DGKH: variants seen among roughly 807,000 people sequenced by gnomAD.
The protein encoded by DGKH is DAG kinase eta.
Under a neutral mutation model 159.3 loss-of-function variants are expected in DGKH, and 90 were observed. The observed-to-expected ratio is 0.57, with a 90% CI of 0.48 to 0.67. The LOEUF is 0.67. Ranked by LOEUF, DGKH falls within the 30% of genes least tolerant of loss-of-function variation. DGKH has a pLI of 0.00. For synonymous variants in DGKH, 536 were observed against 553.8 expected (o/e 0.97, Z 0.45); for missense variants, 1,181 against 1,506.1 (o/e 0.78, Z 3.57).
intron 2 of DGKH, among the ~76,000 whole-genome samples, chr13:42,129,163 C>T (rs1023893482): frequency 6.6e-6 from 1 of 152,222 alleles, no homozygotes; most frequent in Non-Finnish European, 1.5e-5. Flanking sequence ...TCTCAGCTCT[C>T]ACCTTGCAAA....
At chr13:42,168,943 TTC>T (rs921143485) in intron 11 of DGKH, 125 bp downstream of exon 11, 1 of 1,081,740 alleles carries the variant, frequency 9.2e-7, no homozygotes, top group East Asian at 2.7e-5. Context: ...AGGCAGAGCC[TTC>T]CTGATCTTGT....
intron 3 of DGKH, among the ~76,000 whole-genome samples, chr13:42,131,508 C>T (rs1955289679): frequency 6.6e-6 from 1 of 152,136 alleles, no homozygotes; most frequent in African/African-American, 2.4e-5. Context: ...ATACTGTTTT[C>T]TCATTGAAAT....
At position 42,114,267 on chromosome 13, in the gene DGKH, A is replaced by G. The variant is rs551833501; in HGVS notation, c.193-13196A>G. On this transcript the variant is annotated intron_variant, in intron 1 of 29. Coordinates refer to ENST00000337343, the MANE Select transcript of DGKH (RefSeq NM_178009.5). ...GGAGATGACCCGCCACAAAATAGGC[A>G]CCTCTGGCTAGAGTTCTTACAGTGC... Among the ~76,000 whole-genome samples, 14 of 152,268 alleles carry G rather than the reference A, an allele frequency of 9.2e-5. No individual in the cohort carries two copies. In the East Asian group the frequency reaches 2.7e-3, roughly 29 times the overall value.
intron 1 of DGKH, among the ~76,000 whole-genome samples, chr13:42,078,196 G>T (rs80089278): frequency 0.096 from 14,607 of 152,238 alleles, 977 homozygotes; most frequent in Admixed American, 0.18. Flanking sequence ...TATTTTAGGC[G>T]TTTTAAGCAG....
intron 26 of DGKH, among the ~76,000 whole-genome samples, chr13:42,218,982 A>T (rs1003491430): frequency 3.3e-5 from 5 of 152,190 alleles, no homozygotes; most frequent in Non-Finnish European, 7.3e-5. Flanking sequence ...TTTTTCTATG[A>T]AGTTATTAAA....
At chr13:42,165,271 G>A (rs1956282662) in intron 7 of DGKH, 60 bp from the exon 8 acceptor site, 3 of 908,608 alleles carry the variant, frequency 3.3e-6, no homozygotes, top group Admixed American at 2.8e-5. Context: ...CCTTAGATGT[G>A]ATTTATAATG....
chr13:42,141,028 C>CCATTAACTCATCATTTACATTAGGTATAT lies in DGKH; in HGVS notation c.384+11397_384+11398insATTAACTCATCATTTACATTAGGTATATC, dbSNP rs55860412. On this transcript the variant is annotated intron_variant, in intron 3 of 29. Coordinates refer to ENST00000337343, the MANE Select transcript of DGKH (RefSeq NM_178009.5). ...CATGTGCCATGTTGGTGTGCTGAAC[C>CCATTAACTCATCATTTACATTAGGTATAT]CTCCTAATGCTATCCCTCCCCCCTC... Among the ~76,000 whole-genome samples, 9 of 52,128 alleles carry CCATTAACTCATCATTTACATTAGGTATAT rather than the reference C, an allele frequency of 1.7e-4. 2 individuals carry two copies. The Admixed American group carries it at 1.7e-3, about 10-fold the overall frequency. The allele number at this position is 52,128 out of a possible 152,430, so 34.2% of individuals were successfully genotyped here. A position where few individuals can be genotyped will look rare whatever the true frequency, so the allele number is the denominator to read the frequency against.
chr13:42,084,839 A>C (rs951257500), intron 1 of DGKH, among the ~76,000 whole-genome samples: 32 of 152,042 alleles, frequency 2.1e-4, no homozygotes, highest in Non-Finnish European at 2.5e-4. Flanking sequence ...TAAGATGTAT[A>C]GCAATTTGGA....
At chr13:42,188,484 T>C (rs4640076) in intron 14 of DGKH, among the ~76,000 whole-genome samples, 18,165 of 152,224 alleles carry the variant, frequency 0.12, 1,544 homozygotes, top group East Asian at 0.4. Context: ...ACCAAAGCTT[T>C]GAAGGGGAGT....
chr13:42,219,158 C>G, intron 26 of DGKH, 72 bp from the exon 27 acceptor site: 1 of 1,577,524 alleles, frequency 6.3e-7, no homozygotes, highest in Non-Finnish European at 8.6e-7. Flanking sequence ...TGTCAAAGTA[C>G]AATGATTTAT....
intron 1 of DGKH, among the ~76,000 whole-genome samples, chr13:42,071,678 G>C (rs1267866517): frequency 6.6e-6 from 1 of 152,204 alleles, no homozygotes; most frequent in Non-Finnish European, 1.5e-5. Context: ...GGTGGCTCCA[G>C]CTCACCACAA....
intron 3 of DGKH, among the ~76,000 whole-genome samples, chr13:42,130,364 A>G (rs1281472990): frequency 6.6e-6 from 1 of 151,944 alleles, no homozygotes; most frequent in Non-Finnish European, 1.5e-5. Context: ...CAGATAACCC[A>G]TTTTTTTCCA....
In DGKH at chr13:42,198,580, C is replaced by T. The variant is rs1957264913; in HGVS notation, c.2270C>T (p.Pro757Leu). 2 of 1,611,840 alleles carry T rather than the reference C, an allele frequency of 1.2e-6. No homozygotes were observed. Among genetic ancestry groups the T allele is most frequent in the East Asian group, 2.2e-5 (1 of 44,838 alleles). ...DPFGATPFIDPDLDSVDGYSE... is the reference protein window; with the variant it reads ...DPFGATPFIDLDLDSVDGYSE... ...TTTGGTGCCACGCCGTTTATTGACC[C>T]GGATCTAGATTCCGTGTAAGAAAAT... The change falls in exon 18 of 30, where the codon CCG becomes CTG. Residue 757 changes from proline to leucine, a missense_variant. By Grantham distance (98) the Pro-to-Leu change is moderately conservative. Coordinates refer to ENST00000337343, the MANE Select transcript of DGKH (RefSeq NM_178009.5).
intron 1 of DGKH, among the ~76,000 whole-genome samples, chr13:42,042,699 A>G (rs1014354703): frequency 6.6e-6 from 1 of 152,224 alleles, no homozygotes; most frequent in African/African-American, 2.4e-5. Flanking sequence ...GTTCTTAACT[A>G]AACAGAATGT....
intron 1 of DGKH, among the ~76,000 whole-genome samples, chr13:42,059,929 A>G (rs187002059): frequency 2.8e-5 from 4 of 140,444 alleles, no homozygotes; most frequent in Admixed American, 2.3e-4. Context: ...TTATATATAT[A>G]GAGTCTCACT....
rs1312654873 is a variant in DGKH, at chr13:42,214,588, T to A, written c.3096T>A (p.Asn1032Lys). Residue 1032 changes from asparagine (N) to lysine (K), a missense_variant, in exon 25 of 30, where the codon AAT becomes AAA. Physicochemically the swap from Asn to Lys is moderately conservative, Grantham distance 94 (BLOSUM62 0). Coordinates refer to ENST00000337343, the MANE Select transcript of DGKH (RefSeq NM_178009.5). Reference protein sequence around the residue: ...HAVNACSHALNKANPRCPESL... With the variant: ...HAVNACSHALKKANPRCPESL... ...TGAATGCCTGCTCCCATGCCCTGAA[T>A]AAAGCCAACCCAAGGTGCCCGGAGG... 6.2e-7 allele frequency: 1 copy of A among 1,613,672 alleles called. No homozygotes were observed. The highest frequency in any genetic ancestry group is 1.7e-5 in the Admixed American group (1 of 59,984).
intron 29 of DGKH, among the ~76,000 whole-genome samples, chr13:42,228,549 G>T (rs1190976012): frequency 6.6e-6 from 1 of 151,534 alleles, no homozygotes; most frequent in Non-Finnish European, 1.5e-5. Flanking sequence ...ACTAATTGTG[G>T]GTGCCCTGCT....
intron 1 of DGKH, among the ~76,000 whole-genome samples, chr13:42,072,010 G>A (rs1342636641): frequency 6.6e-6 from 1 of 152,178 alleles, no homozygotes; most frequent in African/African-American, 2.4e-5. Context: ...TCACTACTCA[G>A]TGTTTATGTA....
At chr13:42,149,334 G>A (rs1043278188) in intron 3 of DGKH, among the ~76,000 whole-genome samples, 4 of 152,110 alleles carry the variant, frequency 2.6e-5, no homozygotes, top group Non-Finnish European at 5.9e-5. Flanking sequence ...CACCCCAGAT[G>A]TTGAAAGCAT....
Sources: allele counts gnomAD v4.1 joint callset (sites outside exome capture counted in the v4.1 genomes callset), GRCh38; gene constraint gnomAD v4.1.1; transcripts MANE v1.5; gene names NCBI Gene and HGNC (gene_info 2026-07-23, HGNC 2026-07-21).